The following GBE1 variants were observed in gnomAD, a reference collection of about 807,000 sequenced individuals.
GBE1 encodes 1,4-alpha-glucan-branching enzyme.
In GBE1, 70 loss-of-function variants were observed where a neutral mutation model predicts 88.8. The observed-to-expected ratio is 0.79, with a 90% CI of 0.65 to 0.96. The LOEUF (loss-of-function observed/expected upper bound fraction) is 0.96, where lower values mean the gene tolerates loss of function less well. Ranked by LOEUF, GBE1 falls within the 40% of genes least tolerant of loss-of-function variation. The probability of loss-of-function intolerance (pLI) is 0.00; values close to 1 mark genes in which losing one functional copy is unlikely to be tolerated. For missense variants in GBE1, 872 were observed against 871.0 expected, an observed-to-expected ratio of 1.00 and a Z score of -0.01; for synonymous variants, 284 against 300.1, an observed-to-expected ratio of 0.95 and a Z score of 0.56.
At chr3:81,621,023 G>C (rs575015316) in intron 7 of GBE1, among the ~76,000 whole-genome samples, 1 of 152,220 alleles carries the variant, frequency 6.6e-6, no homozygotes, top group East Asian at 1.9e-4. Flanking sequence ...TCACGGAGGC[G>C]GGCCCCTGAC....
chr3:81,739,087 C>G (rs1706313391), intron 1 of GBE1, among the ~76,000 whole-genome samples: 1 of 152,076 alleles, frequency 6.6e-6, no homozygotes, highest in African/African-American at 2.4e-5. Context: ...AGGTACTAAT[C>G]CCATTAATGA....
rs901028357 is a variant in GBE1, at chr3:81,733,728, GC to G, written c.143+27646del. Among the ~76,000 whole-genome samples, 2 of 152,012 alleles carry G rather than the reference GC, an allele frequency of 1.3e-5. No individual in the cohort carries two copies. The highest frequency in any genetic ancestry group is 4.8e-5 in the African/African-American group (2 of 41,356). ...TTATATTCTTCTATGTTTTCTTTTT[GC>G]CATGGCATTTATCATCCAATATTTG... is the stretch of plus-strand genomic sequence containing the variant. On this transcript the variant is annotated intron_variant, in intron 1 of 15. Coordinates refer to ENST00000429644, the MANE Select transcript of GBE1 (RefSeq NM_000158.4). This position sits in a 1 kb window ranked among gnomAD's most constrained non-coding sequence, Gnocchi z 4.0.
intron 14 of GBE1, among the ~76,000 whole-genome samples, chr3:81,529,933 T>G (rs1188277307): frequency 6.6e-6 from 1 of 152,014 alleles, no homozygotes; most frequent in African/African-American, 2.4e-5. Flanking sequence ...TCTCTCTCTC[T>G]CTCTCCATCC....
intron 1 of GBE1, among the ~76,000 whole-genome samples, chr3:81,717,798 T>C (rs934260812): frequency 2.0e-5 from 3 of 152,044 alleles, no homozygotes; most frequent in East Asian, 1.9e-4. Flanking sequence ...AGAAAAAAAA[T>C]GTACCCCAAC....
At chr3:81,497,043 T>C (rs556503910) in intron 15 of GBE1, among the ~76,000 whole-genome samples, 5 of 152,212 alleles carry the variant, frequency 3.3e-5, no homozygotes, top group Non-Finnish European at 7.3e-5. Flanking sequence ...CTGATACTTA[T>C]GAGACATTCT....
chr3:81,694,899 T>C (rs1262403050), intron 2 of GBE1, among the ~76,000 whole-genome samples: 1 of 152,112 alleles, frequency 6.6e-6, no homozygotes, highest in Admixed American at 6.5e-5. Context: ...TCAGGCTTCA[T>C]TATAATCTCA....
intron 7 of GBE1, among the ~76,000 whole-genome samples, chr3:81,612,063 G>A (rs1318864855): frequency 6.6e-6 from 1 of 151,914 alleles, no homozygotes; most frequent in Non-Finnish European, 1.5e-5. Flanking sequence ...CTTAGCAGTG[G>A]TGGGAAGAAA....
chr3:81,572,866 A>T (rs1442035107), intron 12 of GBE1, among the ~76,000 whole-genome samples: 3 of 152,102 alleles, frequency 2.0e-5, no homozygotes, highest in Non-Finnish European at 4.4e-5. Flanking sequence ...TGCCTAAACC[A>T]GCATGTTCAT....
chr3:81,721,592 T>A (rs1007689448), intron 1 of GBE1, among the ~76,000 whole-genome samples: 1 of 152,206 alleles, frequency 6.6e-6, no homozygotes, highest in Non-Finnish European at 1.5e-5. Context: ...TCAAATGGTA[T>A]ATAATTATAC....
chr3:81,601,715 T>G (rs1576165624), intron 7 of GBE1, among the ~76,000 whole-genome samples: 1 of 152,224 alleles, frequency 6.6e-6, no homozygotes, highest in African/African-American at 2.4e-5. Context: ...TATATCAATG[T>G]GTTCTATTAG....
intron 3 of GBE1, among the ~76,000 whole-genome samples, chr3:81,664,035 C>T (rs947081845): frequency 6.6e-6 from 1 of 151,886 alleles, no homozygotes; most frequent in Non-Finnish European, 1.5e-5. Flanking sequence ...ATATTTTCTC[C>T]GTGCATTTGG....
At chr3:81,525,733 A>ATTCAACTTCT (rs1702934636) in intron 14 of GBE1, among the ~76,000 whole-genome samples, 1 of 151,966 alleles carries the variant, frequency 6.6e-6, no homozygotes, top group African/African-American at 2.4e-5. Flanking sequence ...CTATTCAGAG[A>ATTCAACTTCT]TTCAACTTCT....
chr3:81,511,713 G>A (rs1022112669), intron 14 of GBE1, among the ~76,000 whole-genome samples: 2 of 151,912 alleles, frequency 1.3e-5, no homozygotes, highest in Non-Finnish European at 1.5e-5. Context: ...CAGAGAAAAG[G>A]GAACACTTAT....
intron 2 of GBE1, among the ~76,000 whole-genome samples, chr3:81,702,104 T>A (rs62267087): frequency 0.25 from 2,400 of 9,474 alleles, 115 homozygotes; most frequent in East Asian, 0.52. Context: ...AGAGAGAGAG[T>A]GTGTGTGTGT....
chr3:81,735,490 A>G (rs552214185), intron 1 of GBE1, among the ~76,000 whole-genome samples: 2 of 152,326 alleles, frequency 1.3e-5, no homozygotes, highest in Admixed American at 1.3e-4. Flanking sequence ...GCATTCAGGA[A>G]GTGGGAAAAT....
At chr3:81,749,005 CAAAAA>C (rs34051030) in intron 1 of GBE1, among the ~76,000 whole-genome samples, 4 of 108,104 alleles carry the variant, frequency 3.7e-5, no homozygotes, top group East Asian at 4.4e-4. Context: ...GACTCTGTCT[CAAAAA>C]AAAAAAAAAA....
At chr3:81,703,479 C>A (rs1006514020) in intron 2 of GBE1, among the ~76,000 whole-genome samples, 1 of 151,696 alleles carries the variant, frequency 6.6e-6, no homozygotes, top group Non-Finnish European at 1.5e-5. Flanking sequence ...CTACAAGAGG[C>A]GATAGAGCAC....
At chr3:81,543,071 A>G (rs1703161955) in intron 12 of GBE1, among the ~76,000 whole-genome samples, 1 of 152,070 alleles carries the variant, frequency 6.6e-6, no homozygotes, top group African/African-American at 2.4e-5. Context: ...GAGCATCTCA[A>G]GAAGCATATT....
chr3:81,573,766 T>TTC (rs1559649330), intron 12 of GBE1, among the ~76,000 whole-genome samples: 3 of 110,276 alleles, frequency 2.7e-5, no homozygotes, highest in Non-Finnish European at 5.3e-5. Context: ...TCTCTCTCTC[T>TTC]CTCTCTCTCT....
Sources: allele counts gnomAD v4.1 joint callset (sites outside exome capture counted in the v4.1 genomes callset), GRCh38; gene constraint gnomAD v4.1.1; non-coding constraint Gnocchi (gnomAD v3.1); transcripts MANE v1.5; gene names NCBI Gene and HGNC (gene_info 2026-07-23, HGNC 2026-07-21).